The following DZANK1 variants were observed in gnomAD, a reference collection of about 807,000 sequenced individuals.
The protein encoded by DZANK1 is double zinc ribbon and ankyrin repeat-containing protein 1.
A neutral mutation model predicts 94.5 loss-of-function variants in DZANK1; 91 were observed. That is an observed-to-expected ratio of 0.96 (90% CI 0.81 to 1.15). The LOEUF is 1.15. Ranked by LOEUF, DZANK1 falls within the 50% of genes most tolerant of loss-of-function variation. The pLI, the probability that DZANK1 is intolerant of heterozygous loss-of-function variation, is 0.00. For missense variants in DZANK1, 903 were observed against 916.4 expected (o/e 0.99, Z 0.19); for synonymous variants, 312 against 325.3 (o/e 0.96, Z 0.44).
chr20:18,431,601 G>A lies in DZANK1; in HGVS notation c.861+2051C>T, dbSNP rs533412949. On this transcript the variant is annotated intron_variant, in intron 9 of 20. Coordinates refer to ENST00000262547, the Ensembl canonical transcript of DZANK1. Reference sequence around the variant, plus strand: ...GGTTTCCAAACAGATGTCCTTCTGTGAGTAGAAGCAGTAATAGTGATTGTC... The same window carrying A: ...GGTTTCCAAACAGATGTCCTTCTGTAAGTAGAAGCAGTAATAGTGATTGTC... 4.6e-5 allele frequency among the ~76,000 whole-genome samples: 7 copies of A among 152,300 alleles called. No homozygotes were observed. The South Asian group carries it at 1.2e-3, about 27-fold the overall frequency.
intron 13 of DZANK1, among the ~76,000 whole-genome samples, chr20:18,407,556 G>A (rs953314147): frequency 2.6e-5 from 4 of 152,180 alleles, no homozygotes; most frequent in Non-Finnish European, 5.9e-5. Flanking sequence ...AGGAGAACAT[G>A]ACCTCACCAA....
At chr20:18,457,066 T>C (rs543371877) in intron 3 of DZANK1, among the ~76,000 whole-genome samples, 64 of 152,342 alleles carry the variant, frequency 4.2e-4, no homozygotes, top group African/African-American at 1.5e-3. Context: ...CTTCATATTG[T>C]CAGCCTTGTT....
chr20:18,385,162 AC>A, intron 19 of DZANK1, 72 bp from the exon 20 acceptor site: 4 of 1,470,420 alleles, frequency 2.7e-6, no homozygotes, highest in Non-Finnish European at 3.7e-6. Flanking sequence ...GATGCATGTG[AC>A]CCAAGGTCCT....
exon 3 of DZANK1, chr20:18,460,223 T>C (rs1222278033): frequency 1.0e-5 from 16 of 1,594,884 alleles, no homozygotes; most frequent in South Asian, 5.6e-5. Context: ...TACTTAAATG[T>C]GTTATTTTCC....
At position 18,466,374 on chromosome 20, in the gene DZANK1, T is replaced by C. The variant is rs375503847; in HGVS notation, c.-20+622A>G. On this transcript the variant is annotated intron_variant, in intron 1 of 20. Transcript: ENST00000262547. ...AGTTCTAATAATGCTGATCTGAACATGTCTGCAGTTTGAGCTTTGTCACAG... is the reference window on the plus strand; with the variant it reads ...AGTTCTAATAATGCTGATCTGAACACGTCTGCAGTTTGAGCTTTGTCACAG... Among the ~76,000 whole-genome samples, 397 of 152,350 alleles carry C rather than the reference T, an allele frequency of 2.6e-3. 2 individuals are homozygous for C. The highest frequency in any genetic ancestry group is 3.8e-3 in the Non-Finnish European group (261 of 68,030).
chr20:18,390,805 T>C (rs2055917983), intron 17 of DZANK1, among the ~76,000 whole-genome samples: 2 of 152,224 alleles, frequency 1.3e-5, no homozygotes, highest in Admixed American at 1.3e-4. Flanking sequence ...AAATTTATTT[T>C]GCATACTTTA....
chr20:18,415,351 G>A lies in DZANK1; in HGVS notation c.1053C>T (p.Ser351=), dbSNP rs186444582. The A allele has an allele frequency of 5.6e-5, 89 of 1,589,466 alleles. No homozygotes were observed. In the African/African-American group the frequency reaches 1.1e-3, roughly 19 times the overall value. ...CCATGGCTCCACACCAGCCGCAGAA[G>A]GACGCCTCCCAGAGATTCCAGCGAC... The change falls in exon 11 of 21, where the codon TCC becomes TCT. Residue 351 remains serine, a synonymous_variant. Transcript: ENST00000262547.
intron 13 of DZANK1, among the ~76,000 whole-genome samples, chr20:18,409,103 C>T (rs2057103074): frequency 6.6e-6 from 1 of 152,058 alleles, no homozygotes; most frequent in Admixed American, 6.6e-5. Context: ...CATGGCTCTA[C>T]CAAAATATCT....
chr20:18,394,809 C>T (rs1239344024), intron 15 of DZANK1: 1 of 457,022 alleles, frequency 2.2e-6, no homozygotes, highest in Non-Finnish European at 4.4e-6. Context: ...TAACTTAGTG[C>T]CCTTGGAAGA....
Position 18,456,931 on chromosome 20 carries a change from G to A in DZANK1, c.264-1570C>T, listed in dbSNP as rs1340371417. On this transcript the variant is annotated intron_variant, in intron 3 of 20. Coordinates refer to ENST00000262547, the Ensembl canonical transcript of DZANK1. ...TTCTCTTCAATAGATACTGAGGAGTGGAATTGTTGGGTCATATGGCAGGTA... is the reference window on the plus strand; with the variant it reads ...TTCTCTTCAATAGATACTGAGGAGTAGAATTGTTGGGTCATATGGCAGGTA... Among the ~76,000 whole-genome samples the A allele has an allele frequency of 2.6e-5, 4 of 152,150 alleles. 1 individual carries two copies. The South Asian group carries it at 8.3e-4, about 32-fold the overall frequency.
chr20:18,385,501 C>T (rs938683810), intron 19 of DZANK1, among the ~76,000 whole-genome samples: 14 of 150,534 alleles, frequency 9.3e-5, no homozygotes, highest in South Asian at 8.5e-4. Flanking sequence ...CTGCAACCTC[C>T]GACTCCCAGG....
exon 13 of DZANK1, chr20:18,412,785 T>C: frequency 6.2e-7 from 1 of 1,613,972 alleles, no homozygotes; most frequent in Non-Finnish European, 8.5e-7. Context: ...TCTGTGTTCC[T>C]ATGTCCCTCT....
intron 2 of DZANK1, among the ~76,000 whole-genome samples, chr20:18,464,736 C>T (rs1376228716): frequency 1.5e-5 from 2 of 133,374 alleles, no homozygotes; most frequent in Admixed American, 8.6e-5. Context: ...AGTGCACTGG[C>T]GCGATCTCGG....
chr20:18,449,303 G>A (rs75731033), intron 6 of DZANK1, among the ~76,000 whole-genome samples: 3,623 of 151,994 alleles, frequency 0.024, 134 homozygotes, highest in African/African-American at 0.075. Flanking sequence ...TACCCTAGAA[G>A]CCCAAACCTC....
At chr20:18,407,033 T>C (rs1466899359) in intron 13 of DZANK1, among the ~76,000 whole-genome samples, 1 of 152,192 alleles carries the variant, frequency 6.6e-6, no homozygotes, top group African/African-American at 2.4e-5. Context: ...AGCTGCAATA[T>C]AATAGAACAT....
At chr20:18,385,920 A>C (rs1440658538) in intron 19 of DZANK1, among the ~76,000 whole-genome samples, 1 of 152,196 alleles carries the variant, frequency 6.6e-6, no homozygotes, top group Non-Finnish European at 1.5e-5. Context: ...GGTTTGACCT[A>C]GTGAGGGAGG....
intron 13 of DZANK1, among the ~76,000 whole-genome samples, chr20:18,411,049 T>C (rs997895019): frequency 1.3e-5 from 2 of 152,174 alleles, no homozygotes; most frequent in Non-Finnish European, 2.9e-5. Flanking sequence ...GTTCACATTC[T>C]GAAGAAAGAT....
chr20:18,433,395 AG>A, intron 9 of DZANK1: 1 of 378,362 alleles, frequency 2.6e-6, no homozygotes, highest in Non-Finnish European at 4.9e-6. Flanking sequence ...TATAAAAATT[AG>A]CCATGCGTGG....
Position 18,441,133 on chromosome 20 carries a change from T to C in DZANK1, c.747+2214A>G, listed in dbSNP as rs956037767. ...CCACAGTTTTTGTAGTCATTGTCAC[T>C]GTCATAGAGTCAAGTGCAGCAGTTA... On this transcript the variant is annotated intron_variant, in intron 8 of 20. Coordinates refer to ENST00000262547, the Ensembl canonical transcript of DZANK1. The surrounding 1 kb of genome is among the most constrained non-coding windows in gnomAD (Gnocchi z 4.1). 1.3e-4 allele frequency among the ~76,000 whole-genome samples: 20 copies of C among 152,118 alleles called. No individual in the cohort carries two copies. Among genetic ancestry groups the C allele is most frequent in the African/African-American group, 4.6e-4 (19 of 41,426 alleles).
Sources: gnomAD v4.1 joint callset for allele counts (sites outside exome capture counted in the v4.1 genomes callset) on GRCh38, gnomAD v4.1.1 for gene constraint, Gnocchi (gnomAD v3.1) non-coding constraint, MANE v1.5 for transcripts, NCBI Gene and HGNC (gene_info 2026-07-23, HGNC 2026-07-21) for gene names.